Variants in COL21A1 observed in about 807,000 individuals in gnomAD.
The protein encoded by COL21A1 is collagen alpha-1(XXI) chain.
In COL21A1, 149 loss-of-function variants were observed where a neutral mutation model predicts 137.9. The observed-to-expected ratio is 1.08, with a 90% CI of 0.95 to 1.24. The LOEUF (loss-of-function observed/expected upper bound fraction) is 1.24, where lower values mean the gene tolerates loss of function less well. COL21A1 is among the 50% of genes most tolerant of loss of function. The probability of loss-of-function intolerance (pLI) is 0.00; values close to 1 mark genes in which losing one functional copy is unlikely to be tolerated. For synonymous variants in COL21A1, 456 were observed against 391.5 expected, an observed-to-expected ratio of 1.16 and a Z score of -1.95; for missense variants, 1,167 against 1,158.4, an observed-to-expected ratio of 1.01 and a Z score of -0.11.
At chr6:56,263,906 A>C (rs1763338754) in intron 1 of COL21A1, among the ~76,000 whole-genome samples, 2 of 152,176 alleles carry the variant, frequency 1.3e-5, no homozygotes, top group Non-Finnish European at 2.9e-5. Context: ...CACCACAAGA[A>C]AATCATAGAA....
intron 1 of COL21A1, among the ~76,000 whole-genome samples, chr6:56,345,602 C>T (rs17823397): frequency 0.16 from 24,846 of 152,138 alleles, 2,171 homozygotes; most frequent in Non-Finnish European, 0.18. Flanking sequence ...GGACTCAGAA[C>T]GTACACACGC....
At chr6:56,194,071 G>A (rs1778872962) in intron 1 of COL21A1, among the ~76,000 whole-genome samples, 2 of 152,128 alleles carry the variant, frequency 1.3e-5, no homozygotes, top group Admixed American at 1.3e-4. Flanking sequence ...ACCAGGATGT[G>A]CTGTTTTATG....
In COL21A1 at chr6:56,214,653, T is replaced by C. The variant is rs142801729; in HGVS notation, c.-38-31997A>G. Among the ~76,000 whole-genome samples the C allele has an allele frequency of 5.3e-3, 799 of 152,132 alleles. 8 individuals carry two copies. Among genetic ancestry groups the C allele is most frequent in the African/African-American group, 0.018 (765 of 41,540 alleles). ...CTAAACAGTCAAGGCCCCCCTTTTTTTTTTCATTTAGAACATTTTTTGCAA... is the reference window on the plus strand; with the variant it reads ...CTAAACAGTCAAGGCCCCCCTTTTTCTTTTCATTTAGAACATTTTTTGCAA... On this transcript the variant is annotated intron_variant, in intron 1 of 29. Coordinates refer to ENST00000244728, the MANE Select transcript of COL21A1 (RefSeq NM_030820.4).
intron 1 of COL21A1, among the ~76,000 whole-genome samples, chr6:56,391,713 A>C (rs2094030051): frequency 6.6e-6 from 1 of 152,168 alleles, no homozygotes. Flanking sequence ...TAGATGTATA[A>C]ATGTATTGGA....
intron 1 of COL21A1, among the ~76,000 whole-genome samples, chr6:56,224,101 C>T (rs1781040949): frequency 6.6e-6 from 1 of 152,068 alleles, no homozygotes. Flanking sequence ...ATTTATTGAG[C>T]TTGGAGTTCT....
At chr6:56,388,422 A>G (rs2094022746) in intron 1 of COL21A1, among the ~76,000 whole-genome samples, 1 of 152,190 alleles carries the variant, frequency 6.6e-6, no homozygotes, top group Admixed American at 6.5e-5. Flanking sequence ...TGCTGATTGG[A>G]GGAATGAGAG....
intron 1 of COL21A1, among the ~76,000 whole-genome samples, chr6:56,310,650 T>C (rs887436939): frequency 1.3e-5 from 2 of 152,190 alleles, no homozygotes; most frequent in African/African-American, 4.8e-5. Flanking sequence ...TAAAAATTAC[T>C]TAGAGGCCAC....
At chr6:56,156,190 C>T (rs540512940) in intron 10 of COL21A1, among the ~76,000 whole-genome samples, 2 of 152,264 alleles carry the variant, frequency 1.3e-5, no homozygotes, top group South Asian at 4.1e-4. Flanking sequence ...ATACTGAGAA[C>T]TCACTGGACA....
At chr6:56,107,856 A>G (rs1771085032) in intron 16 of COL21A1, among the ~76,000 whole-genome samples, 2 of 152,162 alleles carry the variant, frequency 1.3e-5, no homozygotes, top group South Asian at 4.1e-4. Context: ...ATTTAATTGC[A>G]GATCTGAAAC....
At chr6:56,181,198 GAAGGTGT>G (rs1777863390) in intron 2 of COL21A1, among the ~76,000 whole-genome samples, 1 of 152,170 alleles carries the variant, frequency 6.6e-6, no homozygotes, top group Admixed American at 6.5e-5. Context: ...AGTATCCTCA[GAAGGTGT>G]AAGGGACACA....
intron 1 of COL21A1, among the ~76,000 whole-genome samples, chr6:56,238,768 A>G (rs1433450765): frequency 6.6e-6 from 1 of 152,178 alleles, no homozygotes; most frequent in East Asian, 1.9e-4. Flanking sequence ...CCTCAGTTAC[A>G]TGAAGAATAT....
At chr6:56,304,340 C>T (rs1253342250) in intron 1 of COL21A1, among the ~76,000 whole-genome samples, 4 of 151,842 alleles carry the variant, frequency 2.6e-5, no homozygotes, top group East Asian at 1.9e-4. Context: ...TGGTAGAATT[C>T]GGCTGTGAAT....
chr6:56,168,364 T>C, intron 5 of COL21A1, 67 bp from the exon 6 acceptor site: 1 of 1,308,298 alleles, frequency 7.6e-7, no homozygotes, highest in Non-Finnish European at 1.0e-6. Context: ...TCTTTGTTCT[T>C]ACTCCCTTGT....
intron 16 of COL21A1, among the ~76,000 whole-genome samples, chr6:56,102,459 G>A (rs1770542888): frequency 6.6e-6 from 1 of 151,998 alleles, no homozygotes; most frequent in African/African-American, 2.4e-5. Context: ...TTTCATACCA[G>A]AAAGAACATT....
intron 1 of COL21A1, among the ~76,000 whole-genome samples, chr6:56,325,169 T>A (rs1764979183): frequency 7.0e-6 from 1 of 143,430 alleles, no homozygotes; most frequent in Admixed American, 7.8e-5. Context: ...TCAAATAAAT[T>A]TGCATGCTTT....
intron 3 of COL21A1, among the ~76,000 whole-genome samples, chr6:56,176,026 G>T (rs920153780): frequency 2.0e-5 from 3 of 149,540 alleles, no homozygotes; most frequent in Admixed American, 6.6e-5. Flanking sequence ...ACTGCCCGAC[G>T]GGGAAAGGAT....
intron 17 of COL21A1, among the ~76,000 whole-genome samples, chr6:56,079,729 T>A (rs2114144709): frequency 6.6e-6 from 1 of 151,772 alleles, no homozygotes; most frequent in South Asian, 2.1e-4. Flanking sequence ...ATTCCTTTTC[T>A]TTTTGTTCAT....
At chr6:56,145,089 T>A (rs1207461664) in intron 10 of COL21A1, among the ~76,000 whole-genome samples, 1 of 152,190 alleles carries the variant, frequency 6.6e-6, no homozygotes, top group African/African-American at 2.4e-5. Flanking sequence ...CACAGCCTTA[T>A]CAGCCACCAT....
chr6:56,155,911 A>ATTC (rs1443058861), intron 10 of COL21A1, among the ~76,000 whole-genome samples: 1 of 152,206 alleles, frequency 6.6e-6, no homozygotes, highest in Non-Finnish European at 1.5e-5. Flanking sequence ...CCAAAAGCTA[A>ATTC]TTCTTCGTGT....
Sources: gnomAD v4.1 joint callset for allele counts (sites outside exome capture counted in the v4.1 genomes callset) on GRCh38, gnomAD v4.1.1 for gene constraint, MANE v1.5 for transcripts, NCBI Gene and HGNC (gene_info 2026-07-23, HGNC 2026-07-21) for gene names.